CD4: variants seen among roughly 807,000 people sequenced by gnomAD.
The protein encoded by CD4 is T-cell surface glycoprotein CD4.
A neutral mutation model predicts 50.5 loss-of-function variants in CD4; 25 were observed. The ratio of observed to expected loss-of-function variants is 0.49; its 90% CI spans 0.36 to 0.69. The LOEUF is 0.69. CD4 is among the 30% of genes least tolerant of loss of function. The pLI is 0.00. For missense variants in CD4, 456 were observed against 548.5 expected, an observed-to-expected ratio of 0.83 and a Z score of 1.68; for synonymous variants, 207 against 221.9, an observed-to-expected ratio of 0.93 and a Z score of 0.60.
chr12:6,789,904 T>A (rs1565486283), intron 1 of CD4, among the ~76,000 whole-genome samples: 1 of 152,128 alleles, frequency 6.6e-6, no homozygotes, highest in Non-Finnish European at 1.5e-5. Context: ...TCCAGAGCAA[T>A]GGGTGCTCCT....
At chr12:6,793,593 T>C (rs1295533652) in intron 1 of CD4, among the ~76,000 whole-genome samples, 6 of 152,150 alleles carry the variant, frequency 3.9e-5, no homozygotes, top group Non-Finnish European at 8.8e-5. Flanking sequence ...AGAAACCTCC[T>C]TCCTGACCTC....
intron 1 of CD4, among the ~76,000 whole-genome samples, chr12:6,796,094 A>G (rs1245810119): frequency 5.3e-5 from 8 of 152,212 alleles, no homozygotes; most frequent in African/African-American, 1.9e-4. Flanking sequence ...TCCTCCATAC[A>G]ATTCAATTTG....
intron 3 of CD4, among the ~76,000 whole-genome samples, chr12:6,812,417 C>T (rs1452244393): frequency 6.6e-6 from 1 of 152,116 alleles, no homozygotes; most frequent in African/African-American, 2.4e-5. Flanking sequence ...TGGTGGCTCA[C>T]GCCTGTAACC....
intron 1 of CD4, among the ~76,000 whole-genome samples, chr12:6,791,468 C>T (rs1942159543): frequency 6.6e-6 from 1 of 152,188 alleles, no homozygotes; most frequent in Admixed American, 6.5e-5. Flanking sequence ...GCCTCAAACT[C>T]CTGGCCTCAA....
rs1943230593 is a variant in CD4, at chr12:6,820,170, G to A, written c.*841G>A. On this transcript the variant is annotated 3_prime_UTR_variant, in exon 10 of 10. Transcript: ENST00000011653. Reference sequence around the variant, plus strand: ...ACACGGCTCTCACCAGTGGCTAGTGGTGGGTACTCAATGTGTACTTTTGGG... The same window carrying A: ...ACACGGCTCTCACCAGTGGCTAGTGATGGGTACTCAATGTGTACTTTTGGG... The A allele has an allele frequency of 6.6e-6, 1 of 152,240 alleles. No individual in the cohort carries two copies. The highest frequency in any genetic ancestry group is 2.1e-4 in the South Asian group (1 of 4,826). 9.4% of individuals were successfully genotyped at this position (152,240 alleles called of 1,614,324 possible).
chr12:6,814,928 C>T lies in CD4; in HGVS notation c.543C>T (p.Thr181=), dbSNP rs143960807. The T allele has an allele frequency of 3.1e-6, 5 of 1,613,700 alleles. No individual in the cohort carries two copies. The East Asian group carries it at 8.9e-5, about 29-fold the overall frequency. The change falls in exon 5 of 10, where the codon ACC becomes ACT. Residue 181 remains threonine, a synonymous_variant. Coordinates refer to ENST00000011653, the MANE Select transcript of CD4 (RefSeq NM_000616.5). ...VSQLELQDSG[T]WTCTVLQNQK... ...AGCTGGAGCTCCAGGATAGTGGCACCTGGACATGCACTGTCTTGCAGAACC... is the reference window on the plus strand; with the variant it reads ...AGCTGGAGCTCCAGGATAGTGGCACTTGGACATGCACTGTCTTGCAGAACC...
At chr12:6,817,571 C>G (rs1446373502) in intron 7 of CD4, among the ~76,000 whole-genome samples, 1 of 152,102 alleles carries the variant, frequency 6.6e-6, no homozygotes, top group Non-Finnish European at 1.5e-5. Context: ...CCCACTCCCT[C>G]AGGTCTACAG....
intron 1 of CD4, among the ~76,000 whole-genome samples, chr12:6,794,836 G>A (rs1398911518): frequency 7.2e-6 from 1 of 137,974 alleles, no homozygotes; most frequent in East Asian, 2.2e-4. Context: ...CGAGGCTGGA[G>A]TGCGGTGGCG....
chr12:6,794,307 T>C lies in CD4; in HGVS notation c.-68+4645T>C, dbSNP rs543758611. 4.6e-5 allele frequency among the ~76,000 whole-genome samples: 7 copies of C among 151,966 alleles called. 1 individual carries two copies. Among genetic ancestry groups the C allele is most frequent in the African/African-American group, 1.7e-4 (7 of 41,440 alleles). ...GTCTCCAACTCCTGACCTAAAGTGATCCACCCACCTTGGTTTCCCAAAGTG... is the reference window on the plus strand; with the variant it reads ...GTCTCCAACTCCTGACCTAAAGTGACCCACCCACCTTGGTTTCCCAAAGTG... On this transcript the variant is annotated intron_variant, in intron 1 of 9. Transcript: ENST00000011653.
Position 6,819,000 on chromosome 12 carries a change from G to A in CD4, c.1346+86G>A, listed in dbSNP as rs1291050777. The A allele has an allele frequency of 2.1e-5, 16 of 761,506 alleles. No individual in the cohort carries two copies. The South Asian group carries it at 2.4e-4, about 11-fold the overall frequency. The allele number at this position is 761,506 out of a possible 1,614,324, so 47.2% of individuals were successfully genotyped here. ...GGAGGGGGAGGAAGGGGAGCAAAGG[G>A]GGGCAGGAAGGGAGGATGGAGAGGA... On this transcript the variant is annotated intron_variant, in intron 9 of 9. Transcript: ENST00000011653. This position sits in a 1 kb window ranked among gnomAD's most constrained non-coding sequence, Gnocchi z 5.0.
In CD4 at chr12:6,792,506, C is replaced by T. The variant is rs1942190506; in HGVS notation, c.-68+2844C>T. ...TGTGTGTGCATAGCTGTTGCTTTAACAAGCTGCTCCAGGTCTCTCTCTCCC... is the reference window on the plus strand; with the variant it reads ...TGTGTGTGCATAGCTGTTGCTTTAATAAGCTGCTCCAGGTCTCTCTCTCCC... On this transcript the variant is annotated intron_variant, in intron 1 of 9. Transcript: ENST00000011653. The surrounding 1 kb of genome is among the most constrained non-coding windows in gnomAD (Gnocchi z 4.1). 6.6e-6 allele frequency among the ~76,000 whole-genome samples: 1 copy of T among 152,146 alleles called. No individual in the cohort carries two copies. Among genetic ancestry groups the T allele is most frequent in the African/African-American group, 2.4e-5 (1 of 41,428 alleles).
chr12:6,810,231 T>G (rs1490837953), intron 3 of CD4, among the ~76,000 whole-genome samples: 1 of 152,196 alleles, frequency 6.6e-6, no homozygotes. Flanking sequence ...ATACCAGTTG[T>G]CCCATGAATT....
intron 3 of CD4, among the ~76,000 whole-genome samples, chr12:6,809,886 A>ACC (rs1942885280): frequency 1.9e-5 from 2 of 108,106 alleles, no homozygotes; most frequent in Non-Finnish European, 3.7e-5. Flanking sequence ...CATTGCCTAT[A>ACC]CCTCTTTTTT....
In CD4 at chr12:6,818,374, GC is replaced by G; in HGVS notation, c.1157-44del. 1 of 1,607,138 alleles carries G rather than the reference GC, an allele frequency of 6.2e-7. No individual in the cohort carries two copies. Among genetic ancestry groups the G allele is most frequent in the Non-Finnish European group, 8.5e-7 (1 of 1,179,228 alleles). Reference sequence around the variant, plus strand: ...TTGCAGGGCAGTCCTCAGTCCCCTGGCCCGTGGAGGAGGGCGGTGCATTGAG... The same window carrying G: ...TTGCAGGGCAGTCCTCAGTCCCCTGGCCGTGGAGGAGGGCGGTGCATTGAG... On this transcript the variant is annotated intron_variant, in intron 7 of 9. Transcript: ENST00000011653. This position sits in a 1 kb window ranked among gnomAD's most constrained non-coding sequence, Gnocchi z 5.0.
intron 3 of CD4, among the ~76,000 whole-genome samples, chr12:6,810,510 G>A (rs28917491): frequency 6.6e-6 from 1 of 152,166 alleles, no homozygotes. Context: ...GTAACAACTT[G>A]GCCACAATCT....
chr12:6,815,973 C>T (rs782203173), intron 5 of CD4, 83 bp from the exon 6 acceptor site: 5 of 1,583,152 alleles, frequency 3.2e-6, no homozygotes, highest in Middle Eastern at 1.7e-4. Context: ...TTCCATCTCC[C>T]TGCTGCCTCC....
rs200491526 is a variant in CD4 at position 6,814,874 on chromosome 12, A to G, written c.489A>G (p.Ile163Met). 4.3e-6 allele frequency: 7 copies of G among 1,613,442 alleles called. No homozygotes were observed. The South Asian group carries it at 7.7e-5, about 18-fold the overall frequency. The change falls in exon 5 of 10, where the codon ATA becomes ATG. Residue 163 changes from isoleucine to methionine, a missense_variant. Transcript: ENST00000011653. ...VQCRSPRGKN[I>M]QGGKTLSVSQ... ...GTAGGAGTCCAAGGGGTAAAAACATACAGGGGGGGAAGACCCTCTCCGTGT... is the reference window on the plus strand; with the variant it reads ...GTAGGAGTCCAAGGGGTAAAAACATGCAGGGGGGGAAGACCCTCTCCGTGT...
In CD4 at chr12:6,798,232, C is replaced by T. The variant is rs576935031; in HGVS notation, c.-67-1840C>T. Among the ~76,000 whole-genome samples, 312 of 84,228 alleles carry T rather than the reference C, an allele frequency of 3.7e-3. 34 individuals carry two copies. Among genetic ancestry groups the T allele is most frequent in the East Asian group, 0.017 (85 of 5,124 alleles). 55.3% of individuals were successfully genotyped at this position (84,228 alleles called of 152,430 possible). A position where few individuals can be genotyped will look rare whatever the true frequency, so the allele number is the denominator to read the frequency against. ...TCGCCCAGGCTGGAGTGCAGTGGCG[C>T]GATCTCGGCTCACTGCCACCTCTGC... On this transcript the variant is annotated intron_variant, in intron 1 of 9. Coordinates refer to ENST00000011653, the MANE Select transcript of CD4 (RefSeq NM_000616.5).
At chr12:6,797,952 A>G (rs1019269819) in intron 1 of CD4, among the ~76,000 whole-genome samples, 28 of 152,016 alleles carry the variant, frequency 1.8e-4, no homozygotes, top group Non-Finnish European at 3.7e-4. Flanking sequence ...AATCCTCCTC[A>G]GCACAGACCC....
Sources: allele counts gnomAD v4.1 joint callset (sites outside exome capture counted in the v4.1 genomes callset), GRCh38; gene constraint gnomAD v4.1.1; non-coding constraint Gnocchi (gnomAD v3.1); transcripts MANE v1.5; gene names NCBI Gene and HGNC (gene_info 2026-07-23, HGNC 2026-07-21).